DYRK1A: variants seen among roughly 807,000 people sequenced by gnomAD.
DYRK1A encodes dual specificity tyrosine phosphorylation regulated kinase 1A, also known as dual specificity tyrosine-phosphorylation-regulated kinase 1A.
Under a neutral mutation model 79.7 loss-of-function variants are expected in DYRK1A, and 9 were observed. That is an observed-to-expected ratio of 0.11 (90% CI 0.07 to 0.20). The LOEUF is 0.20. Among genes scored for constraint, DYRK1A ranks in the 10% least tolerant of loss-of-function variants. The pLI is 1.00. For synonymous variants in DYRK1A, 349 were observed against 329.7 expected (o/e 1.06, Z -0.63); for missense variants, 622 against 956.0 (o/e 0.65, Z 4.61).
Position 37,519,736 on chromosome 21 carries a change from G to GTGTTTTTTTTTTTTT in DYRK1A, c.*7206_*7207insGTTTTTTTTTTTTTT, listed in dbSNP as rs1329924530. 2.3e-5 allele frequency: 2 copies of GTGTTTTTTTTTTTTT among 85,802 alleles called. No individual in the cohort carries two copies. The highest frequency in any genetic ancestry group is 9.7e-5 in the African/African-American group (2 of 20,580). The allele number at this position is 85,802 out of a possible 1,614,324, so 5.3% of individuals were successfully genotyped here. ...AGAGTTTTGAGGTTTGTTGTGGGAAGTTTTTTTTTTTTTTTTTTTTTTTGA... is the reference window on the plus strand; with the variant it reads ...AGAGTTTTGAGGTTTGTTGTGGGAAGTGTTTTTTTTTTTTTTTTTTTTTTTTTTTTTTTTTTTTGA... On this transcript the variant is annotated 3_prime_UTR_variant, in exon 12 of 12. Transcript: ENST00000647188.
At chr21:37,386,818 C>T (rs576330065) in intron 1 of DYRK1A, among the ~76,000 whole-genome samples, 4 of 152,194 alleles carry the variant, frequency 2.6e-5, no homozygotes, top group East Asian at 1.9e-4. Context: ...CAGATGGTTG[C>T]GGCAGTGTCA....
intron 2 of DYRK1A, among the ~76,000 whole-genome samples, chr21:37,456,552 T>TC (rs980714140): frequency 3.3e-5 from 5 of 152,152 alleles, no homozygotes. Context: ...TGCGTCTTTT[T>TC]CCCCTCTGAG....
At chr21:37,409,631 C>T (rs1223399700) in intron 1 of DYRK1A, among the ~76,000 whole-genome samples, 1 of 151,856 alleles carries the variant, frequency 6.6e-6, no homozygotes, top group Non-Finnish European at 1.5e-5. Flanking sequence ...CCATTTTTTT[C>T]CTCATAAAAG....
chr21:37,451,669 G>A lies in DYRK1A; in HGVS notation c.11-21015G>A, dbSNP rs377166947. Among the ~76,000 whole-genome samples, 25 of 151,970 alleles carry A rather than the reference G, an allele frequency of 1.6e-4. No homozygotes were observed. In the East Asian group the frequency reaches 3.7e-3, roughly 22 times the overall value. Reference sequence around the variant, plus strand: ...GTAGGCTCCACCGTCTAGCGTGGGCGTGCAGTAGGCTCCACTGTCTAGCGT... The same window carrying A: ...GTAGGCTCCACCGTCTAGCGTGGGCATGCAGTAGGCTCCACTGTCTAGCGT... On this transcript the variant is annotated intron_variant, in intron 2 of 11. Transcript: ENST00000647188.
At chr21:37,410,663 G>T (rs2050225521) in intron 1 of DYRK1A, 1 of 152,278 alleles carries the variant, frequency 6.6e-6, no homozygotes, top group African/African-American at 2.4e-5. Context: ...CAGTAGCTGG[G>T]ATTACAGGTA....
At chr21:37,410,325 A>T (rs1181201133) in intron 1 of DYRK1A, among the ~76,000 whole-genome samples, 1 of 152,226 alleles carries the variant, frequency 6.6e-6, no homozygotes, top group Non-Finnish European at 1.5e-5. Context: ...TTCAGAATGT[A>T]GCAAAAAACA....
At chr21:37,369,343 T>C (rs1043923414) in intron 1 of DYRK1A, among the ~76,000 whole-genome samples, 3 of 152,222 alleles carry the variant, frequency 2.0e-5, no homozygotes, top group Non-Finnish European at 2.9e-5. Context: ...TAAAGTTTCA[T>C]GTGTTAAGGT....
At chr21:37,370,409 A>G (rs889666005) in intron 1 of DYRK1A, among the ~76,000 whole-genome samples, 6 of 152,002 alleles carry the variant, frequency 3.9e-5, no homozygotes, top group African/African-American at 1.5e-4. Flanking sequence ...AATTAACTGT[A>G]TTATAGGCGA....
At chr21:37,383,435 TAAAC>T (rs981684954) in intron 1 of DYRK1A, among the ~76,000 whole-genome samples, 100 of 152,364 alleles carry the variant, frequency 6.6e-4, no homozygotes, top group African/African-American at 2.3e-3. Context: ...CCTTTCAGCT[TAAAC>T]AAAGCCAGAG....
intron 2 of DYRK1A, among the ~76,000 whole-genome samples, chr21:37,448,406 G>C (rs1376846237): frequency 6.6e-6 from 1 of 152,118 alleles, no homozygotes; most frequent in Non-Finnish European, 1.5e-5. Flanking sequence ...GCTGGTGCCT[G>C]GTCCCCATTT....
chr21:37,475,106 C>T (rs2052351555), intron 3 of DYRK1A, among the ~76,000 whole-genome samples: 1 of 152,132 alleles, frequency 6.6e-6, no homozygotes, highest in Non-Finnish European at 1.5e-5. Flanking sequence ...CTGATCTAAG[C>T]AGGAGGTTTG....
intron 1 of DYRK1A, among the ~76,000 whole-genome samples, chr21:37,386,973 A>T (rs2049773039): frequency 6.6e-6 from 1 of 152,214 alleles, no homozygotes; most frequent in Non-Finnish European, 1.5e-5. Context: ...GATTACACTT[A>T]GACCAGTTAG....
intron 2 of DYRK1A, among the ~76,000 whole-genome samples, chr21:37,435,908 GT>G (rs544827225): frequency 5.9e-4 from 90 of 152,246 alleles, no homozygotes; most frequent in African/African-American, 2.1e-3. Context: ...TCTAATTGAA[GT>G]CAGATGTTTT....
chr21:37,500,925 ATTTCT>A (rs1292065173), intron 9 of DYRK1A, among the ~76,000 whole-genome samples: 2 of 145,278 alleles, frequency 1.4e-5, no homozygotes, highest in African/African-American at 5.1e-5. Flanking sequence ...GACTTTGTTG[ATTTCT>A]TTTTTTTTTC....
chr21:37,444,322 T>G (rs1252299446), intron 2 of DYRK1A, among the ~76,000 whole-genome samples: 1 of 152,236 alleles, frequency 6.6e-6, no homozygotes, highest in Non-Finnish European at 1.5e-5. Flanking sequence ...AACAGACAAG[T>G]TGCAGAATGG....
In DYRK1A at chr21:37,519,163, T is replaced by C. The variant is rs915396547; in HGVS notation, c.*6632T>C. Reference sequence around the variant, plus strand: ...TGTCCCATGAGAATGGCACATGTTATTTCCCAACAGTGGGAATGGAATTAG... The same window carrying C: ...TGTCCCATGAGAATGGCACATGTTACTTCCCAACAGTGGGAATGGAATTAG... On this transcript the variant is annotated 3_prime_UTR_variant, in exon 12 of 12. Transcript: ENST00000647188. The C allele has an allele frequency of 1.4e-4, 21 of 152,246 alleles. No individual in the cohort carries two copies. Among genetic ancestry groups the C allele is most frequent in the African/African-American group, 5.1e-4 (21 of 41,456 alleles). 9.4% of individuals were successfully genotyped at this position (152,246 alleles called of 1,614,324 possible).
At chr21:37,417,529 C>CTTTTTTTTTTTTTTTTTTTTTTTTTTTCT (rs3216074) in intron 1 of DYRK1A, among the ~76,000 whole-genome samples, 1 of 44,068 alleles carries the variant, frequency 2.3e-5, no homozygotes, top group East Asian at 1.3e-3. Context: ...TTTTCTTTTT[C>CTTTTTTTTTTTTTTTTTTTTTTTTTTTCT]TTTTTTTTTT....
chr21:37,465,450 C>A (rs1415276937), intron 2 of DYRK1A, among the ~76,000 whole-genome samples: 1 of 152,070 alleles, frequency 6.6e-6, no homozygotes, highest in Non-Finnish European at 1.5e-5. Flanking sequence ...TTGGATTATC[C>A]ACTACTTGAA....
intron 3 of DYRK1A, among the ~76,000 whole-genome samples, chr21:37,476,832 A>AC (rs2052416008): frequency 1.0e-5 from 1 of 98,498 alleles, no homozygotes; most frequent in Non-Finnish European, 1.9e-5. Context: ...CCCCCCCCCA[A>AC]CCTTATTTGG....
Sources: gnomAD v4.1 joint callset for allele counts (sites outside exome capture counted in the v4.1 genomes callset) on GRCh38, gnomAD v4.1.1 for gene constraint, MANE v1.5 for transcripts, NCBI Gene and HGNC (gene_info 2026-07-23, HGNC 2026-07-21) for gene names.